Variants in GRIK2 observed in about 807,000 individuals in gnomAD.
GRIK2 encodes the protein glutamate ionotropic receptor kainate type subunit 2.
Under a neutral mutation model 100.3 loss-of-function variants are expected in GRIK2, and 32 were observed. The observed-to-expected ratio is 0.32, with a 90% CI of 0.24 to 0.43. The LOEUF (loss-of-function observed/expected upper bound fraction) is 0.43, where lower values mean the gene tolerates loss of function less well. Among genes scored for constraint, GRIK2 ranks in the 20% least tolerant of loss-of-function variants. The pLI, the probability that GRIK2 is intolerant of heterozygous loss-of-function variation, is 1.00. For synonymous variants in GRIK2, 417 were observed against 389.4 expected (o/e 1.07, Z -0.83); for missense variants, 843 against 1,114.9 (o/e 0.76, Z 3.47).
At chr6:101,549,685 G>T (rs1444243814) in intron 2 of GRIK2, among the ~76,000 whole-genome samples, 1 of 152,100 alleles carries the variant, frequency 6.6e-6, no homozygotes, top group African/African-American at 2.4e-5. Context: ...GGTAAGAAGA[G>T]AAACTTAGGT....
chr6:101,994,552 T>A (rs895485006), intron 14 of GRIK2, among the ~76,000 whole-genome samples: 1 of 151,802 alleles, frequency 6.6e-6, no homozygotes, highest in Admixed American at 6.6e-5. Context: ...CTCACAATAA[T>A]CTTGGAAATT....
At chr6:101,743,287 T>A (rs1360299264) in intron 7 of GRIK2, among the ~76,000 whole-genome samples, 2 of 152,132 alleles carry the variant, frequency 1.3e-5, no homozygotes, top group Non-Finnish European at 2.9e-5. Context: ...TAGGAAAAGT[T>A]TAGTTTATAT....
In GRIK2 at chr6:101,711,595, T is replaced by G. The variant is rs73510687; in HGVS notation, c.951+25242T>G. Among the ~76,000 whole-genome samples, 1,194 of 151,954 alleles carry G rather than the reference T, an allele frequency of 7.9e-3. 11 individuals carry two copies. Among genetic ancestry groups the G allele is most frequent in the African/African-American group, 0.028 (1,162 of 41,534 alleles). ...CTTCCTTGGGAAACAAGTGACCTTA[T>G]ATCCAAACCCTCTGAAGCAAAGCAT... On this transcript the variant is annotated intron_variant, in intron 7 of 16. Coordinates refer to ENST00000369134, the MANE Select transcript of GRIK2 (RefSeq NM_021956.5).
chr6:101,411,729 G>A (rs1266236963), intron 2 of GRIK2, among the ~76,000 whole-genome samples: 1 of 152,060 alleles, frequency 6.6e-6, no homozygotes, highest in African/African-American at 2.4e-5. Context: ...AACACAGAGT[G>A]TTGGACTCTC....
chr6:101,843,191 A>G (rs1783617652), intron 10 of GRIK2, among the ~76,000 whole-genome samples: 1 of 152,200 alleles, frequency 6.6e-6, no homozygotes, highest in African/African-American at 2.4e-5. Flanking sequence ...AGATGCTTTA[A>G]AACAATTTTA....
intron 11 of GRIK2, among the ~76,000 whole-genome samples, chr6:101,875,617 T>C (rs71566386): frequency 6.6e-6 from 1 of 151,886 alleles, no homozygotes; most frequent in Non-Finnish European, 1.5e-5. Context: ...TTTCTTCTTG[T>C]TTTTCTCTTT....
chr6:101,978,640 T>C (rs1793541081), intron 14 of GRIK2, among the ~76,000 whole-genome samples: 1 of 151,988 alleles, frequency 6.6e-6, no homozygotes, highest in Non-Finnish European at 1.5e-5. Context: ...TGTTTTTTTC[T>C]GGTAGAATTG....
At chr6:101,883,662 A>G (rs1016559582) in intron 11 of GRIK2, among the ~76,000 whole-genome samples, 2 of 152,128 alleles carry the variant, frequency 1.3e-5, no homozygotes, top group Admixed American at 6.6e-5. Flanking sequence ...CCCATTGCGA[A>G]AGTGACATCA....
chr6:102,034,533 C>T (rs774050071), intron 14 of GRIK2, among the ~76,000 whole-genome samples: 1 of 151,308 alleles, frequency 6.6e-6, no homozygotes, highest in South Asian at 2.1e-4. Context: ...TTTCAAGGAG[C>T]AGATGCTAAC....
At chr6:101,975,018 A>G (rs1223232017) in intron 14 of GRIK2, among the ~76,000 whole-genome samples, 1 of 152,046 alleles carries the variant, frequency 6.6e-6, no homozygotes, top group Non-Finnish European at 1.5e-5. Context: ...ATATTCAAAC[A>G]TGAAAAGAAT....
At chr6:102,006,780 A>G (rs1409155133) in intron 14 of GRIK2, among the ~76,000 whole-genome samples, 1 of 152,072 alleles carries the variant, frequency 6.6e-6, no homozygotes, top group East Asian at 1.9e-4. Context: ...AGATCAAATG[A>G]ATTATATATT....
chr6:101,980,988 G>A (rs942432527), intron 14 of GRIK2, among the ~76,000 whole-genome samples: 1 of 149,072 alleles, frequency 6.7e-6, no homozygotes, highest in Middle Eastern at 3.5e-3. Context: ...TACTTGGGGA[G>A]CTTTTTATAA....
chr6:101,764,938 T>A (rs1354415101), intron 7 of GRIK2, among the ~76,000 whole-genome samples: 1 of 152,116 alleles, frequency 6.6e-6, no homozygotes, highest in East Asian at 1.9e-4. Context: ...TTGTTAATTA[T>A]TACTTATTAC....
At chr6:101,658,906 T>A (rs1220406859) in intron 4 of GRIK2, among the ~76,000 whole-genome samples, 2 of 152,214 alleles carry the variant, frequency 1.3e-5, no homozygotes, top group African/African-American at 4.8e-5. Context: ...TTTAACTTCC[T>A]TGTAGATTCT....
intron 2 of GRIK2, among the ~76,000 whole-genome samples, chr6:101,511,023 TA>T (rs1320414812): frequency 1.3e-5 from 2 of 152,206 alleles, no homozygotes; most frequent in Admixed American, 6.5e-5. Context: ...CATTAAGTGG[TA>T]ACATTACAGG....
At chr6:101,607,212 T>G (rs536171362) in intron 2 of GRIK2, among the ~76,000 whole-genome samples, 74 of 152,130 alleles carry the variant, frequency 4.9e-4, no homozygotes, top group African/African-American at 1.7e-3. Flanking sequence ...TGTATATTTA[T>G]AGTGCTTGCA....
At chr6:101,731,425 T>A (rs1775262849) in intron 7 of GRIK2, among the ~76,000 whole-genome samples, 1 of 152,012 alleles carries the variant, frequency 6.6e-6, no homozygotes, top group Non-Finnish European at 1.5e-5. Context: ...TTATACAATT[T>A]CAAAGACTAT....
chr6:101,759,726 C>A (rs536442626), intron 7 of GRIK2, among the ~76,000 whole-genome samples: 1 of 151,774 alleles, frequency 6.6e-6, no homozygotes, highest in South Asian at 2.1e-4. Context: ...ATTACAGTCA[C>A]AATTGTGTTT....
chr6:101,453,324 T>C (rs558022982), intron 2 of GRIK2, among the ~76,000 whole-genome samples: 7 of 151,988 alleles, frequency 4.6e-5, no homozygotes, highest in South Asian at 2.1e-4. Context: ...CTTTATTTGC[T>C]TTAATGCTGC....
Sources: allele counts gnomAD v4.1 joint callset (sites outside exome capture counted in the v4.1 genomes callset), GRCh38; gene constraint gnomAD v4.1.1; transcripts MANE v1.5; gene names NCBI Gene and HGNC (gene_info 2026-07-23, HGNC 2026-07-21).